CCDC201: variants seen among roughly 807,000 people sequenced by gnomAD.
CCDC201 encodes coiled-coil domain-containing protein 201.
At chr7:45,870,892 A>T (rs1786735645) in intron 1 of CCDC201, among the ~76,000 whole-genome samples, 1 of 152,242 alleles carries the variant, frequency 6.6e-6, no homozygotes, top group Non-Finnish European at 1.5e-5. Flanking sequence ...CTTCAACTTC[A>T]AAAAAGAGAT....
At chr7:45,871,249 C>A (rs1271414553) in intron 1 of CCDC201, among the ~76,000 whole-genome samples, 2 of 152,108 alleles carry the variant, frequency 1.3e-5, no homozygotes, top group African/African-American at 4.8e-5. Context: ...TTCATCACAT[C>A]TTCTTCTGGC....
the CCDC201 span, among the ~76,000 whole-genome samples, chr7:45,881,191 G>A: frequency 5.1e-4 from 77 of 152,256 alleles, no homozygotes; most frequent in Middle Eastern, 3.4e-3. Context: ...GGAATGAGAT[G>A]CATGTGTCTC....
Position 45,864,661 on chromosome 7 carries a change from C to T in CCDC201, c.477+1375G>A, listed in dbSNP as rs138505942. Among the ~76,000 whole-genome samples the T allele has an allele frequency of 6.6e-5, 10 of 152,252 alleles. No homozygotes were observed. In the East Asian group the frequency reaches 1.9e-3, roughly 29 times the overall value. ...AGGCTGGAAAACTCCACTGCAAAAT[C>T]AGCACCCTCAGAAGGTGAGAGAAGA... On this transcript the variant is annotated intron_variant, in intron 2 of 2. Coordinates refer to ENST00000636578, the Ensembl canonical transcript of CCDC201.
exon 3 of CCDC201, chr7:45,862,942 C>T (rs1271110013): frequency 6.6e-6 from 1 of 152,278 alleles, no homozygotes; most frequent in East Asian, 1.9e-4. Context: ...GCAACAGGAT[C>T]TTCTCAAACC....
the CCDC201 span, among the ~76,000 whole-genome samples, chr7:45,882,250 A>C: frequency 2.0e-5 from 3 of 152,144 alleles, no homozygotes; most frequent in South Asian, 2.1e-4. Flanking sequence ...AGATGATGGA[A>C]GCACCCGTGT....
At chr7:45,870,948 T>A (rs1175729688) in intron 1 of CCDC201, among the ~76,000 whole-genome samples, 1 of 152,308 alleles carries the variant, frequency 6.6e-6, no homozygotes, top group South Asian at 2.1e-4. Context: ...GAAGACAGAC[T>A]GGGACTTTTA....
chr7:45,883,993 CTTTT>C, the CCDC201 span, among the ~76,000 whole-genome samples: 5 of 148,338 alleles, frequency 3.4e-5, no homozygotes, highest in Non-Finnish European at 6.0e-5. Context: ...TCTTTTCTTT[CTTTT>C]TCTTTCTTTC....
At chr7:45,875,951 A>G (rs2116530625), upstream of CCDC201, among the ~76,000 whole-genome samples, 1 of 152,378 alleles carries the variant, frequency 6.6e-6, no homozygotes, top group East Asian at 1.9e-4. Context: ...ACTTGGCCCC[A>G]GAATAGTGGC....
exon 3 of CCDC201, chr7:45,861,232 C>T (rs1786595860): frequency 6.6e-6 from 1 of 152,106 alleles, no homozygotes. Context: ...AAGAATTACT[C>T]TGATGTATTT....
At chr7:45,876,887 T>C (rs535452867), upstream of CCDC201, among the ~76,000 whole-genome samples, 2 of 152,318 alleles carry the variant, frequency 1.3e-5, no homozygotes, top group South Asian at 4.2e-4. Flanking sequence ...AACCTCTCAC[T>C]GCGCAGGACA....
At chr7:45,881,709 C>A in the CCDC201 span, among the ~76,000 whole-genome samples, 7 of 152,192 alleles carry the variant, frequency 4.6e-5, no homozygotes, top group African/African-American at 1.7e-4. Flanking sequence ...CTCTTTCACC[C>A]AACCCACTGC....
exon 3 of CCDC201, chr7:45,862,451 G>T (rs1488948292): frequency 6.6e-6 from 1 of 152,210 alleles, no homozygotes; most frequent in African/African-American, 2.4e-5. Flanking sequence ...CCCTCTAGGG[G>T]TGGGACTATG....
upstream of CCDC201, among the ~76,000 whole-genome samples, chr7:45,877,423 C>T (rs1043702371): frequency 1.3e-5 from 2 of 152,226 alleles, no homozygotes; most frequent in Admixed American, 1.3e-4. Flanking sequence ...AGTCTGTTCT[C>T]ACACTGTTAT....
At chr7:45,875,240 A>G (rs1265322274), upstream of CCDC201, among the ~76,000 whole-genome samples, 1 of 152,186 alleles carries the variant, frequency 6.6e-6, no homozygotes, top group African/African-American at 2.4e-5. Flanking sequence ...CACGCCTGTA[A>G]TCCCAGCACT....
At chr7:45,871,864 A>G (rs1786746290) in intron 1 of CCDC201, among the ~76,000 whole-genome samples, 1 of 152,216 alleles carries the variant, frequency 6.6e-6, no homozygotes, top group Non-Finnish European at 1.5e-5. Flanking sequence ...GACTTCAAAA[A>G]TTTAGAAGTA....
intron 1 of CCDC201, among the ~76,000 whole-genome samples, chr7:45,871,506 A>G (rs931279007): frequency 7.2e-5 from 11 of 152,244 alleles, no homozygotes; most frequent in African/African-American, 2.7e-4. Flanking sequence ...AGAAGGAACT[A>G]TCAGTGCATT....
intron 1 of CCDC201, among the ~76,000 whole-genome samples, chr7:45,871,721 G>A (rs1786744911): frequency 6.6e-6 from 1 of 152,204 alleles, no homozygotes; most frequent in Non-Finnish European, 1.5e-5. Flanking sequence ...CCAACAACCT[G>A]ATGGATAAAT....
chr7:45,880,474 A>G, the CCDC201 span, among the ~76,000 whole-genome samples: 1 of 152,112 alleles, frequency 6.6e-6, no homozygotes, highest in Non-Finnish European at 1.5e-5. Context: ...TGATGGGCAC[A>G]CTGTATGCAG....
intron 2 of CCDC201, among the ~76,000 whole-genome samples, chr7:45,865,058 G>A (rs937397721): frequency 9.2e-5 from 14 of 151,786 alleles, no homozygotes; most frequent in Non-Finnish European, 1.8e-4. Context: ...CAGGGACAGG[G>A]GCACACAGGG....
Sources: gnomAD v4.1 joint callset for allele counts (sites outside exome capture counted in the v4.1 genomes callset) on GRCh38, gnomAD v4.1.1 for gene constraint, MANE v1.5 for transcripts, NCBI Gene and HGNC (gene_info 2026-07-23, HGNC 2026-07-21) for gene names.